FAM135B: variants seen among roughly 807,000 people sequenced by gnomAD.
FAM135B encodes the protein family with sequence similarity 135 member B.
Under a neutral mutation model 127.7 loss-of-function variants are expected in FAM135B, and 43 were observed. That is an observed-to-expected ratio of 0.34 (90% confidence interval 0.26 to 0.43). The LOEUF (loss-of-function observed/expected upper bound fraction) is 0.43. Ranked by LOEUF, FAM135B falls within the 20% of genes least tolerant of loss-of-function variation. FAM135B has a pLI of 1.00. For synonymous variants in FAM135B, 670 were observed against 665.1 expected (o/e 1.01, Z -0.11); for missense variants, 1,558 against 1,725.6 (o/e 0.90, Z 1.72).
chr8:138,453,281 C>T (rs533621507), intron 1 of FAM135B, among the ~76,000 whole-genome samples: 1 of 152,232 alleles, frequency 6.6e-6, no homozygotes, highest in South Asian at 2.1e-4. Context: ...GTTCACATTA[C>T]AAACAGATGC....
intron 1 of FAM135B, among the ~76,000 whole-genome samples, chr8:138,409,174 C>G (rs552029324): frequency 4.1e-4 from 62 of 152,184 alleles, no homozygotes; most frequent in African/African-American, 1.5e-3. Context: ...CACTTGTCCA[C>G]TTAGAGGACA....
chr8:138,289,848 T>C (rs1031953650), intron 3 of FAM135B, among the ~76,000 whole-genome samples: 14 of 152,220 alleles, frequency 9.2e-5, no homozygotes, highest in African/African-American at 3.4e-4. Flanking sequence ...TTTTCATTTT[T>C]ATCTCATTTA....
chr8:138,134,829 A>G (rs1816498539), intron 19 of FAM135B, among the ~76,000 whole-genome samples: 2 of 152,108 alleles, frequency 1.3e-5, no homozygotes, highest in Admixed American at 1.3e-4. Context: ...AGAGAGGGCG[A>G]TTTTTTCTTA....
chr8:138,454,413 G>A (rs568734757), intron 1 of FAM135B, among the ~76,000 whole-genome samples: 3 of 152,236 alleles, frequency 2.0e-5, no homozygotes, highest in East Asian at 3.9e-4. Context: ...GTCTTAGTGC[G>A]GCTGGCAGAG....
intron 1 of FAM135B, among the ~76,000 whole-genome samples, chr8:138,387,461 C>T (rs1377468713): frequency 6.6e-6 from 1 of 152,178 alleles, no homozygotes; most frequent in South Asian, 2.1e-4. Context: ...CCCCACCTTC[C>T]TCTCTTTTCT....
chr8:138,256,604 C>T (rs781161087), intron 5 of FAM135B, 85 bp downstream of exon 5: 11 of 1,135,332 alleles, frequency 9.7e-6, no homozygotes, highest in Admixed American at 1.9e-5. Flanking sequence ...TTCTGAGGTT[C>T]AAGGCTATGA....
chr8:138,153,283 G>A (rs1818360243), intron 12 of FAM135B, 67 bp from the exon 13 acceptor site: 1 of 1,285,604 alleles, frequency 7.8e-7, no homozygotes, highest in African/African-American at 1.5e-5. Flanking sequence ...TTATCCAAAT[G>A]TCTAACTGTA....
intron 1 of FAM135B, chr8:138,450,599 TGATATGGA>T: frequency 6.6e-6 from 1 of 152,348 alleles, no homozygotes; most frequent in African/African-American, 2.4e-5. Flanking sequence ...TGATAAACTA[TGATATGGA>T]GCTTCTTTTC....
chr8:138,430,266 G>C (rs1259859059), intron 1 of FAM135B, among the ~76,000 whole-genome samples: 1 of 152,074 alleles, frequency 6.6e-6, no homozygotes, highest in Non-Finnish European at 1.5e-5. Context: ...CTGATCACCT[G>C]TTATGTGCCA....
chr8:138,229,503 C>T (rs965566299), intron 7 of FAM135B, among the ~76,000 whole-genome samples: 3 of 152,090 alleles, frequency 2.0e-5, no homozygotes, highest in Non-Finnish European at 2.9e-5. Context: ...AAGTAACAAA[C>T]GACCCTAAAC....
chr8:138,193,430 C>A (rs1294333365), intron 9 of FAM135B, among the ~76,000 whole-genome samples: 1 of 152,080 alleles, frequency 6.6e-6, no homozygotes, highest in Non-Finnish European at 1.5e-5. Context: ...ACCTGCAGGC[C>A]ACACCCAGAA....
chr8:138,265,473 A>G (rs887282929), intron 4 of FAM135B, among the ~76,000 whole-genome samples: 1 of 152,226 alleles, frequency 6.6e-6, no homozygotes, highest in Non-Finnish European at 1.5e-5. Flanking sequence ...TAAATGAGTC[A>G]ATGGAGACTG....
Position 138,132,599 on chromosome 8 carries a change from G to A in FAM135B, c.4215C>T (p.Phe1405=), listed in dbSNP as rs776388580. ...KFFLVAGLNY[F]K Reference sequence around the variant, plus strand: ...ACCTGCTCCCTCAAAGCCACTACTTGAAGTAGTTGAGTCCTGCCACCAAGA... The same window carrying A: ...ACCTGCTCCCTCAAAGCCACTACTTAAAGTAGTTGAGTCCTGCCACCAAGA... Residue 1405 remains phenylalanine, a synonymous_variant, in exon 20 of 20, where the codon TTC becomes TTT. Coordinates refer to ENST00000395297, the MANE Select transcript of FAM135B (RefSeq NM_015912.4). The surrounding 1 kb of genome is among the most constrained non-coding windows in gnomAD (Gnocchi z 4.5). 6.2e-7 allele frequency: 1 copy of A among 1,611,458 alleles called. No homozygotes were observed. Among genetic ancestry groups the A allele is most frequent in the Non-Finnish European group, 8.5e-7 (1 of 1,177,688 alleles).
intron 7 of FAM135B, among the ~76,000 whole-genome samples, chr8:138,215,304 G>A (rs564635886): frequency 1.7e-4 from 26 of 152,224 alleles, no homozygotes; most frequent in African/African-American, 3.9e-4. Context: ...ATTAGATAAC[G>A]TGTGCAAGAA....
At chr8:138,490,450 G>C (rs973513700) in intron 1 of FAM135B, among the ~76,000 whole-genome samples, 1 of 152,192 alleles carries the variant, frequency 6.6e-6, no homozygotes, top group Non-Finnish European at 1.5e-5. Context: ...AGACATGGAA[G>C]AGGGCATGCC....
chr8:138,137,280 G>A lies in FAM135B; in HGVS notation c.3902-20C>T, dbSNP rs1018872925. ...GCAGCCCTGTAAAAATTAGCCAGAT[G>A]AGTGCTTTTTACCCAGGTAGTTTCA... On this transcript the variant is annotated intron_variant, in intron 18 of 19. Coordinates refer to ENST00000395297, the MANE Select transcript of FAM135B (RefSeq NM_015912.4). 10 of 1,347,286 alleles carry A rather than the reference G, an allele frequency of 7.4e-6. No homozygotes were observed. Among genetic ancestry groups the A allele is most frequent in the Admixed American group, 5.0e-5 (3 of 59,488 alleles). The allele number at this position is 1,347,286 out of a possible 1,614,324, so 83.5% of individuals were successfully genotyped here. A position where few individuals can be genotyped will look rare whatever the true frequency, so the allele number is the denominator to read the frequency against.
intron 5 of FAM135B, among the ~76,000 whole-genome samples, chr8:138,253,769 T>C (rs1411991734): frequency 6.6e-6 from 1 of 152,210 alleles, no homozygotes; most frequent in Admixed American, 6.5e-5. Context: ...TGAGAGGCTC[T>C]GCTTCTCCAT....
At chr8:138,258,801 CACCACACACACACA>C (rs1307972194) in intron 4 of FAM135B, among the ~76,000 whole-genome samples, 2 of 42,582 alleles carry the variant, frequency 4.7e-5, no homozygotes, top group African/African-American at 1.0e-4. Context: ...AAGACACACA[CACCACACACACACA>C]CACACACACA....
chr8:138,330,436 T>C (rs1828088187), intron 2 of FAM135B, among the ~76,000 whole-genome samples: 2 of 152,154 alleles, frequency 1.3e-5, no homozygotes, highest in South Asian at 4.1e-4. Context: ...AGAATACTCA[T>C]CTCAGGATAA....
Sources: allele counts gnomAD v4.1 joint callset (sites outside exome capture counted in the v4.1 genomes callset), GRCh38; gene constraint gnomAD v4.1.1; non-coding constraint Gnocchi (gnomAD v3.1); transcripts MANE v1.5; gene names NCBI Gene and HGNC (gene_info 2026-07-23, HGNC 2026-07-21).